The following ADGRF3 variants were observed in gnomAD, a reference collection of about 807,000 sequenced individuals.
ADGRF3 encodes adhesion G protein-coupled receptor F3.
Under a neutral mutation model 93.2 loss-of-function variants are expected in ADGRF3, and 85 were observed. The ratio of observed to expected loss-of-function variants is 0.91; its 90% CI spans 0.77 to 1.09. The LOEUF (loss-of-function observed/expected upper bound fraction) is 1.09. Ranked by LOEUF, ADGRF3 falls within the 50% of genes least tolerant of loss-of-function variation. The pLI, the probability that ADGRF3 is intolerant of heterozygous loss-of-function variation, is 0.00. For synonymous variants in ADGRF3, 534 were observed against 532.5 expected, an observed-to-expected ratio of 1.00 and a Z score of -0.04; for missense variants, 1,125 against 1,246.2, an observed-to-expected ratio of 0.90 and a Z score of 1.46.
Position 26,346,366 on chromosome 2 carries a change from C to G in ADGRF3, c.-132G>C. 6.7e-7 allele frequency: 1 copy of G among 1,488,892 alleles called. No individual in the cohort carries two copies. The highest frequency in any genetic ancestry group is 9.0e-7 in the Non-Finnish European group (1 of 1,116,616). The allele number at this position is 1,488,892 out of a possible 1,614,324, so 92.2% of individuals were successfully genotyped here. On this transcript the variant is annotated 5_prime_UTR_variant, in exon 1 of 14. Coordinates refer to ENST00000651242, the MANE Select transcript of ADGRF3 (RefSeq NM_001321971.2). Reference sequence around the variant, plus strand: ...GGCTGAGGGGCCCGCGCGGCGCGGTCCGTGTCACCTTGTGCCGCGTGGCTC... The same window carrying G: ...GGCTGAGGGGCCCGCGCGGCGCGGTGCGTGTCACCTTGTGCCGCGTGGCTC...
chr2:26,315,899 G>A, intron 4 of ADGRF3, 159 bp from the exon 5 acceptor site: 1 of 1,106,030 alleles, frequency 9.0e-7, no homozygotes, highest in Non-Finnish European at 1.3e-6. Context: ...GCACCTGAAT[G>A]TGGCTGCTGC....
intron 1 of ADGRF3, among the ~76,000 whole-genome samples, chr2:26,340,869 A>G (rs1041440644): frequency 2.0e-5 from 3 of 152,198 alleles, no homozygotes; most frequent in Admixed American, 1.3e-4. Context: ...TATTTAACAG[A>G]CATGCTCATG....
chr2:26,317,166 C>A (rs1296738184), intron 2 of ADGRF3, 111 bp from the exon 3 acceptor site: 3 of 1,121,122 alleles, frequency 2.7e-6, no homozygotes, highest in African/African-American at 3.2e-5. Flanking sequence ...AGCAGACCCC[C>A]TCCCACAGCC....
At chr2:26,333,017 T>G (rs895341869) in intron 1 of ADGRF3, among the ~76,000 whole-genome samples, 10 of 152,180 alleles carry the variant, frequency 6.6e-5, no homozygotes, top group African/African-American at 2.4e-4. Context: ...TAATTCAAAC[T>G]TGAATGCCTA....
chr2:26,317,387 C>T, intron 2 of ADGRF3, 109 bp downstream of exon 2: 1 of 1,064,568 alleles, frequency 9.4e-7, no homozygotes, highest in Non-Finnish European at 1.4e-6. Context: ...TCTCTCTCCG[C>T]CACCACTCCC....
intron 1 of ADGRF3, among the ~76,000 whole-genome samples, chr2:26,319,834 A>C (rs1225632269): frequency 6.6e-6 from 1 of 152,086 alleles, no homozygotes; most frequent in Non-Finnish European, 1.5e-5. Context: ...GGCTCAAGCT[A>C]TCCTCCCAAC....
intron 1 of ADGRF3, chr2:26,319,068 C>G: frequency 6.5e-7 from 1 of 1,537,354 alleles, no homozygotes; most frequent in Non-Finnish European, 8.8e-7. Flanking sequence ...GAAGCAGTCC[C>G]TACAAGCCCA....
intron 1 of ADGRF3, chr2:26,317,953 G>C (rs1185391398): frequency 1.2e-5 from 15 of 1,265,324 alleles, no homozygotes; most frequent in Admixed American, 4.0e-5. Flanking sequence ...TTGACAGCAG[G>C]GTGAGCAGAA....
chr2:26,318,851 C>T, intron 1 of ADGRF3: 2 of 1,509,918 alleles, frequency 1.3e-6, no homozygotes, highest in South Asian at 1.2e-5. Flanking sequence ...CTTCCTCTCC[C>T]CTCAGCCCTT....
At chr2:26,323,267 T>C (rs1225498114) in intron 1 of ADGRF3, among the ~76,000 whole-genome samples, 1 of 152,132 alleles carries the variant, frequency 6.6e-6, no homozygotes, top group African/African-American at 2.4e-5. Flanking sequence ...TTCAGACCAA[T>C]GGGGACTTAT....
chr2:26,345,631 A>C (rs141908431), intron 1 of ADGRF3: 312 of 153,964 alleles, frequency 2.0e-3, no homozygotes, highest in African/African-American at 7.0e-3. Context: ...AGCGCACCGC[A>C]CCAGGAGCTG....
At chr2:26,330,123 G>A (rs904289717) in intron 1 of ADGRF3, among the ~76,000 whole-genome samples, 3 of 152,162 alleles carry the variant, frequency 2.0e-5, no homozygotes, top group Admixed American at 6.5e-5. Flanking sequence ...AACCTACTGC[G>A]GACTGTGCTT....
chr2:26,310,275 G>A, intron 10 of ADGRF3, 38 bp from the exon 11 acceptor site: 1 of 1,609,954 alleles, frequency 6.2e-7, no homozygotes, highest in Non-Finnish European at 8.5e-7. Context: ...GGTCAAGGAG[G>A]AAGGGATCCA....
chr2:26,318,723 TATC>T lies in ADGRF3; in HGVS notation c.115-1164_115-1162del, dbSNP rs1317409786. On this transcript the variant is annotated intron_variant, in intron 1 of 13. Coordinates refer to ENST00000651242, the MANE Select transcript of ADGRF3 (RefSeq NM_001321971.2). ...GAGACTTTATCCAAAGTACAGCAGGTATCATATGAGTTTACAGGGACTCAAATA... is the reference window on the plus strand; with the variant it reads ...GAGACTTTATCCAAAGTACAGCAGGTATATGAGTTTACAGGGACTCAAATA... 5.2e-6 allele frequency: 3 copies of T among 578,076 alleles called. No homozygotes were observed. The East Asian group carries it at 8.9e-5, about 17-fold the overall frequency. 35.8% of individuals were successfully genotyped at this position (578,076 alleles called of 1,614,324 possible). A position where few individuals can be genotyped will look rare whatever the true frequency, so the allele number is the denominator to read the frequency against.
rs1179898530 is a variant in ADGRF3, at chr2:26,346,325, C to T, written c.-91G>A. On this transcript the variant is annotated 5_prime_UTR_variant, in exon 1 of 14. Transcript: ENST00000651242. ...CCGGCGGATGCCCCTCTCCCTGCTC[C>T]CGGCCTCGCCCAGGCGGCTGAGGGG... The T allele has an allele frequency of 6.3e-7, 1 of 1,589,922 alleles. No individual in the cohort carries two copies. Among genetic ancestry groups the T allele is most frequent in the Non-Finnish European group, 8.6e-7 (1 of 1,166,966 alleles).
chr2:26,313,502 G>A lies in ADGRF3; in HGVS notation c.1144C>T (p.Gln382Ter). The part of the protein sequence containing the change: ...WNVTKAGHVA[Q>*]APCPESKRGI... ...CTCTTGCTCTCAGGACATGGGGCCT[G>A]TGCCACGTGGCCAGCCTTGGTGACA... The change falls in exon 8 of 14, where the codon CAG (glutamine) becomes TAG (stop). Residue 382 changes from glutamine (Q) to a stop codon, truncating the protein, a stop_gained. Transcript: ENST00000651242. LOFTEE classifies it high-confidence loss of function. 2 of 1,611,988 alleles carry A rather than the reference G, an allele frequency of 1.2e-6. No homozygotes were observed. The highest frequency in any genetic ancestry group is 1.7e-6 in the Non-Finnish European group (2 of 1,179,266).
Position 26,317,072 on chromosome 2 carries a change from G to A in ADGRF3, c.182-17C>T. On this transcript the variant is annotated splice_polypyrimidine_tract_variant and intron_variant, in intron 2 of 13. Transcript: ENST00000651242. ...GCGCTGATTCTACAGGAGCAGAGGG[G>A]ACAGCTGGAGAGGACAGGCAGCGAG... is the stretch of plus-strand genomic sequence containing the variant. The A allele has an allele frequency of 6.3e-7, 1 of 1,598,834 alleles. No homozygotes were observed. Among genetic ancestry groups the A allele is most frequent in the Non-Finnish European group, 8.5e-7 (1 of 1,173,842 alleles).
chr2:26,330,575 G>T (rs1038195028), intron 1 of ADGRF3, among the ~76,000 whole-genome samples: 1 of 152,152 alleles, frequency 6.6e-6, no homozygotes, highest in African/African-American at 2.4e-5. Context: ...AGAGTTCTCG[G>T]CTCCTGCGGA....
intron 13 of ADGRF3, 93 bp from the exon 14 acceptor site, chr2:26,309,200 C>A (rs1178128309): frequency 6.2e-7 from 1 of 1,613,686 alleles, no homozygotes; most frequent in Non-Finnish European, 8.5e-7. Flanking sequence ...CATGGCAATC[C>A]CTTCAAGGCG....
Sources: allele counts gnomAD v4.1 joint callset (sites outside exome capture counted in the v4.1 genomes callset), GRCh38; gene constraint gnomAD v4.1.1; transcripts MANE v1.5; gene names NCBI Gene and HGNC (gene_info 2026-07-23, HGNC 2026-07-21).